Variants in ARB2A observed in about 807,000 individuals in gnomAD.
The protein encoded by ARB2A is cotranscriptional regulator ARB2A.
At chr5:93,917,794 C>A in the ARB2A span, among the ~76,000 whole-genome samples, 1 of 152,104 alleles carries the variant, frequency 6.6e-6, no homozygotes, top group South Asian at 2.1e-4. Flanking sequence ...GGGAGGATAC[C>A]CTTCACCGAA....
chr5:94,046,059 G>T, the ARB2A span, among the ~76,000 whole-genome samples: 1 of 152,126 alleles, frequency 6.6e-6, no homozygotes, highest in Non-Finnish European at 1.5e-5. Flanking sequence ...AGGAGAGAAG[G>T]ACATTTCAAA....
the ARB2A span, among the ~76,000 whole-genome samples, chr5:93,967,024 A>C: frequency 6.6e-6 from 1 of 152,116 alleles, no homozygotes; most frequent in Non-Finnish European, 1.5e-5. Context: ...TTAAAAAAAA[A>C]AAAACATTTT....
the ARB2A span, among the ~76,000 whole-genome samples, chr5:94,098,694 T>C: frequency 2.6e-5 from 4 of 151,544 alleles, no homozygotes; most frequent in East Asian, 1.9e-4. Flanking sequence ...AACTAAGGAG[T>C]TGATTTTTTG....
At chr5:93,992,171 T>A in the ARB2A span, among the ~76,000 whole-genome samples, 3 of 152,054 alleles carry the variant, frequency 2.0e-5, no homozygotes, top group Non-Finnish European at 2.9e-5. Context: ...TACATTCAAA[T>A]TATCCTTCAA....
At chr5:93,738,732 T>C in the ARB2A span, 1 of 152,202 alleles carries the variant, frequency 6.6e-6, no homozygotes, top group Non-Finnish European at 1.5e-5. Context: ...TATGGTTCCA[T>C]GAATATGAAC....
the ARB2A span, among the ~76,000 whole-genome samples, chr5:93,830,311 G>GTATATATATA: frequency 2.3e-3 from 190 of 82,196 alleles, no homozygotes; most frequent in African/African-American, 5.3e-3. Flanking sequence ...GTGTGTGTGT[G>GTATATATATA]TATATATATA....
At chr5:93,691,937 C>G in the ARB2A span, among the ~76,000 whole-genome samples, 4 of 151,928 alleles carry the variant, frequency 2.6e-5, no homozygotes, top group Admixed American at 1.3e-4. Context: ...GCTTCATAAG[C>G]GAAGAAGAAA....
the ARB2A span, among the ~76,000 whole-genome samples, chr5:93,964,112 A>C: frequency 1.3e-5 from 2 of 152,094 alleles, no homozygotes; most frequent in African/African-American, 4.8e-5. Context: ...GTCTAATGTA[A>C]CAAAAACTGC....
chr5:93,660,055 C>G, the ARB2A span, among the ~76,000 whole-genome samples: 1 of 150,924 alleles, frequency 6.6e-6, no homozygotes, highest in South Asian at 2.1e-4. Context: ...ATCTTAACTT[C>G]TTTATACAGT....
At chr5:93,863,557 C>T in the ARB2A span, 1 of 152,036 alleles carries the variant, frequency 6.6e-6, no homozygotes, top group African/African-American at 2.4e-5. Flanking sequence ...GTGTGAGCCA[C>T]TGCACCTGTC....
the ARB2A span, among the ~76,000 whole-genome samples, chr5:94,030,119 T>C: frequency 6.6e-5 from 10 of 152,188 alleles, no homozygotes; most frequent in Admixed American, 4.6e-4. Flanking sequence ...TGATGACACA[T>C]GGGAATAACG....
chr5:93,690,182 C>T, the ARB2A span, among the ~76,000 whole-genome samples: 1 of 152,106 alleles, frequency 6.6e-6, no homozygotes, highest in Admixed American at 6.6e-5. Context: ...CCCAGTGGCA[C>T]CTGGAATGCC....
chr5:93,938,860 C>G, the ARB2A span, among the ~76,000 whole-genome samples: 2 of 152,142 alleles, frequency 1.3e-5, no homozygotes, highest in African/African-American at 4.8e-5. Flanking sequence ...GTTTTGATCA[C>G]AAACAACACA....
chr5:93,928,313 A>C, the ARB2A span, among the ~76,000 whole-genome samples: 13 of 152,180 alleles, frequency 8.5e-5, no homozygotes, highest in African/African-American at 2.7e-4. Context: ...GAGTACCCTG[A>C]ATGTCTAACG....
chr5:93,647,205 A>C, the ARB2A span, among the ~76,000 whole-genome samples: 2 of 152,050 alleles, frequency 1.3e-5, no homozygotes, highest in African/African-American at 4.8e-5. Context: ...AGTCTCTAGT[A>C]CAGGATCCAG....
chr5:94,021,171 T>C, the ARB2A span, among the ~76,000 whole-genome samples: 9 of 152,180 alleles, frequency 5.9e-5, no homozygotes, highest in Non-Finnish European at 1.3e-4. Flanking sequence ...GAAACATTCA[T>C]TCTAACAAGG....
At chr5:93,649,818 T>C in the ARB2A span, among the ~76,000 whole-genome samples, 1 of 152,150 alleles carries the variant, frequency 6.6e-6, no homozygotes, top group African/African-American at 2.4e-5. Flanking sequence ...GGAATAAAGA[T>C]AATGTCACAG....
chr5:94,049,059 AG>A, the ARB2A span, among the ~76,000 whole-genome samples: 1 of 152,246 alleles, frequency 6.6e-6, no homozygotes, highest in Non-Finnish European at 1.5e-5. Context: ...AAAGGAATAC[AG>A]AAATTTCAGC....
At chr5:93,960,645 T>C in the ARB2A span, among the ~76,000 whole-genome samples, 1 of 152,186 alleles carries the variant, frequency 6.6e-6, no homozygotes, top group Non-Finnish European at 1.5e-5. Flanking sequence ...TTCCTTTAGA[T>C]AAAAGACATT....
Sources: allele counts gnomAD v4.1 joint callset (sites outside exome capture counted in the v4.1 genomes callset), GRCh38; gene constraint gnomAD v4.1.1; transcripts MANE v1.5; gene names NCBI Gene and HGNC (gene_info 2026-07-23, HGNC 2026-07-21).